Variants in ACAN observed in about 807,000 individuals in gnomAD.
The protein encoded by ACAN is aggrecan, also known as aggrecan core protein.
In ACAN, 47 loss-of-function variants were observed where a neutral mutation model predicts 169.1. The observed-to-expected ratio is 0.28, with a 90% CI of 0.22 to 0.35. The LOEUF (loss-of-function observed/expected upper bound fraction) is 0.35, where lower values mean the gene tolerates loss of function less well. Ranked by LOEUF, ACAN falls within the 10% of genes least tolerant of loss-of-function variation. ACAN has a pLI of 1.00. For synonymous variants in ACAN, 1,115 were observed against 1,112.2 expected, an observed-to-expected ratio of 1.00 and a Z score of -0.05; for missense variants, 2,716 against 2,759.9, an observed-to-expected ratio of 0.98 and a Z score of 0.36.
intron 1 of ACAN, among the ~76,000 whole-genome samples, chr15:88,821,346 G>A (rs1179207606): frequency 6.6e-6 from 1 of 152,118 alleles, no homozygotes; most frequent in Non-Finnish European, 1.5e-5. Flanking sequence ...GATGAGGGGT[G>A]GTCTCCCTAA....
At chr15:88,820,335 G>A (rs1451016947) in intron 1 of ACAN, among the ~76,000 whole-genome samples, 3 of 152,076 alleles carry the variant, frequency 2.0e-5, no homozygotes, top group Non-Finnish European at 4.4e-5. Flanking sequence ...CATGATGGGG[G>A]ACTTCATGGA....
rs907402183 is a variant in ACAN, at chr15:88,847,358, C to A, written c.1545C>A (p.Ala515=). The A allele has an allele frequency of 3.8e-6, 6 of 1,589,870 alleles. No homozygotes were observed. Among genetic ancestry groups the A allele is most frequent in the Non-Finnish European group, 4.3e-6 (5 of 1,169,126 alleles). The change falls in exon 8 of 19, where the codon GCC becomes GCA. Residue 515 remains alanine, a synonymous_variant. Transcript: ENST00000560601. ...TTGCCTCGCCGGAGCAGCTCCAGGC[C>A]GCCTACGAAGCAGGCTATGAGCAGT... is the stretch of plus-strand genomic sequence containing the variant. ...AVIASPEQLQ[A]AYEAGYEQCD...
intron 1 of ACAN, among the ~76,000 whole-genome samples, chr15:88,812,094 C>A (rs1895835318): frequency 6.6e-6 from 1 of 152,170 alleles, no homozygotes; most frequent in South Asian, 2.1e-4. Context: ...GTGGGGATGG[C>A]TTCATTAGCG....
intron 8 of ACAN, 118 bp from the exon 9 acceptor site, chr15:88,847,793 C>A: frequency 7.6e-7 from 1 of 1,315,164 alleles, no homozygotes. Flanking sequence ...GTTTGAATAC[C>A]ACCAGACAAC....
At chr15:88,847,134 A>G in intron 7 of ACAN, 109 bp from the exon 8 acceptor site, 1 of 1,224,376 alleles carries the variant, frequency 8.2e-7, no homozygotes, top group Non-Finnish European at 1.1e-6. Flanking sequence ...TTGCCCAGAT[A>G]AATCCAATAT....
intron 12 of ACAN, 72 bp from the exon 13 acceptor site, chr15:88,860,254 T>C: frequency 9.0e-7 from 1 of 1,113,244 alleles, no homozygotes; most frequent in Non-Finnish European, 1.3e-6. Flanking sequence ...TGCCCCAACT[T>C]TGAGGTCTTG....
intron 1 of ACAN, among the ~76,000 whole-genome samples, chr15:88,808,409 G>A (rs1567161661): frequency 1.3e-5 from 2 of 152,222 alleles, no homozygotes; most frequent in Non-Finnish European, 2.9e-5. Flanking sequence ...GCCAGGCACT[G>A]TGCTAGGCAT....
At chr15:88,837,484 C>T (rs1291111047) in intron 2 of ACAN, among the ~76,000 whole-genome samples, 1 of 152,218 alleles carries the variant, frequency 6.6e-6, no homozygotes, top group Non-Finnish European at 1.5e-5. Flanking sequence ...TTCATTTGTA[C>T]TGTTGCTGGG....
chr15:88,828,401 C>G (rs368858167), intron 1 of ACAN, among the ~76,000 whole-genome samples: 2 of 152,094 alleles, frequency 1.3e-5, no homozygotes, highest in Non-Finnish European at 2.9e-5. Context: ...TTTCTTTTCT[C>G]GCAGCTCCAC....
chr15:88,804,536 G>C (rs933714380), intron 1 of ACAN, among the ~76,000 whole-genome samples: 2 of 152,284 alleles, frequency 1.3e-5, no homozygotes, highest in African/African-American at 2.4e-5. Flanking sequence ...GGGGAGTTGA[G>C]GACACACGAC....
intron 11 of ACAN, among the ~76,000 whole-genome samples, chr15:88,853,257 C>G (rs1018553464): frequency 6.6e-6 from 1 of 152,210 alleles, no homozygotes. Context: ...AGTTCCTGAC[C>G]ACCTTGCTGA....
chr15:88,820,770 A>AT (rs1163888962), intron 1 of ACAN, among the ~76,000 whole-genome samples: 1 of 151,964 alleles, frequency 6.6e-6, no homozygotes, highest in Non-Finnish European at 1.5e-5. Flanking sequence ...TATTGTAGGA[A>AT]TTTTTTTTGA....
chr15:88,832,380 T>G (rs1896387259), intron 1 of ACAN, among the ~76,000 whole-genome samples: 2 of 148,742 alleles, frequency 1.3e-5, no homozygotes, highest in African/African-American at 2.5e-5. Context: ...GAGGCCAAAG[T>G]GGGTGGATCA....
rs1235973672 is a variant in ACAN, at chr15:88,858,128, A to G, written c.5543A>G (p.Glu1848Gly). The G allele has an allele frequency of 1.2e-6, 2 of 1,613,770 alleles. No homozygotes were observed. The highest frequency in any genetic ancestry group is 3.3e-5 in the Admixed American group (2 of 60,014). Residue 1848 changes from glutamate to glycine, a missense_variant, in exon 12 of 19, where the codon GAA becomes GGA. Physicochemically the swap from Glu to Gly is moderately conservative, Grantham distance 98 (BLOSUM62 -2). Coordinates refer to ENST00000560601, the MANE Select transcript of ACAN (RefSeq NM_001369268.1). The surrounding 1 kb of genome is among the most constrained non-coding windows in gnomAD (Gnocchi z 4.0). ...EVAPTTFKEE[E>G]GLGSVELSGL... ...GCCCCTACTACATTTAAAGAAGAAG[A>G]AGGCTTAGGGTCTGTGGAACTCAGT...
intron 1 of ACAN, among the ~76,000 whole-genome samples, chr15:88,813,905 C>A (rs186926653): frequency 1.3e-5 from 2 of 152,342 alleles, no homozygotes; most frequent in African/African-American, 2.4e-5. Context: ...CAGCTCCATG[C>A]CCTGGGGACC....
rs1320011840 is a variant in ACAN, at chr15:88,839,793, A to G, written c.455-219A>G. ...TTATCAGTATTATCATAAGTCTTTA[A>G]AAAGGAATGCCTTATAAAGTAGTGA... On this transcript the variant is annotated intron_variant, in intron 3 of 18. Coordinates refer to ENST00000560601, the MANE Select transcript of ACAN (RefSeq NM_001369268.1). The surrounding 1 kb of genome is among the most constrained non-coding windows in gnomAD (Gnocchi z 4.5). Among the ~76,000 whole-genome samples the G allele has an allele frequency of 1.3e-5, 2 of 152,220 alleles. No individual in the cohort carries two copies. The highest frequency in any genetic ancestry group is 4.8e-5 in the African/African-American group (2 of 41,458).
At position 88,847,898 on chromosome 15, in the gene ACAN, C is replaced by G; in HGVS notation, c.1605-13C>G. 2 of 1,612,440 alleles carry G rather than the reference C, an allele frequency of 1.2e-6. No homozygotes were observed. The highest frequency in any genetic ancestry group is 1.1e-5 in the South Asian group (1 of 90,906). ...AACAGGCCTTCATCTTCTCCTCCCA[C>G]TCTCCTTTGCAGATACCCCATTGTG... On this transcript the variant is annotated splice_polypyrimidine_tract_variant and intron_variant, in intron 8 of 18. Transcript: ENST00000560601.
At chr15:88,826,146 CG>C (rs1336954056) in intron 1 of ACAN, among the ~76,000 whole-genome samples, 1 of 152,260 alleles carries the variant, frequency 6.6e-6, no homozygotes, top group South Asian at 2.1e-4. Flanking sequence ...CAGCTCACGT[CG>C]GGGGGCTCTA....
At chr15:88,865,291 G>A (rs544872895) in intron 13 of ACAN, among the ~76,000 whole-genome samples, 1 of 151,884 alleles carries the variant, frequency 6.6e-6, no homozygotes, top group African/African-American at 2.4e-5. Flanking sequence ...TGACAGTCCA[G>A]GACTCCAGTG....
Sources: gnomAD v4.1 joint callset for allele counts (sites outside exome capture counted in the v4.1 genomes callset) on GRCh38, gnomAD v4.1.1 for gene constraint, Gnocchi (gnomAD v3.1) non-coding constraint, MANE v1.5 for transcripts, NCBI Gene and HGNC (gene_info 2026-07-23, HGNC 2026-07-21) for gene names.